Variants in AKAP13 observed in about 807,000 individuals in gnomAD.
The protein encoded by AKAP13 is A-kinase anchor protein 13.
Under a neutral mutation model 264.5 loss-of-function variants are expected in AKAP13, and 80 were observed. The ratio of observed to expected loss-of-function variants is 0.30; its 90% CI spans 0.25 to 0.36. AKAP13 has a LOEUF of 0.36. Among genes scored for constraint, AKAP13 ranks in the 10% least tolerant of loss-of-function variants. The pLI is 1.00. For synonymous variants in AKAP13, 1,380 were observed against 1,250.2 expected, an observed-to-expected ratio of 1.10 and a Z score of -2.19; for missense variants, 3,712 against 3,435.2, an observed-to-expected ratio of 1.08 and a Z score of -2.01.
intron 19 of AKAP13, 27 bp from the exon 20 acceptor site, chr15:85,715,761 G>A (rs746301828): frequency 1.3e-6 from 2 of 1,590,822 alleles, no homozygotes; most frequent in Non-Finnish European, 8.5e-7. Flanking sequence ...GATGGGTGAT[G>A]CTTCAGTTAG....
Position 85,579,605 on chromosome 15 carries a change from A to G in AKAP13, c.1537A>G (p.Ile513Val). 6.2e-7 allele frequency: 1 copy of G among 1,614,258 alleles called. No individual in the cohort carries two copies. The highest frequency in any genetic ancestry group is 8.5e-7 in the Non-Finnish European group (1 of 1,180,042). ...AAAGGAAAGATTTGAGAACTCTAAT[A>G]TTGGCACAGCTGGAGCCTCTGACGT... is the stretch of plus-strand genomic sequence containing the variant. ...STKERFENSN[I>V]GTAGASDVHV... The change falls in exon 7 of 37, where the codon ATT (isoleucine) becomes GTT (valine). Residue 513 changes from isoleucine to valine, a missense_variant. Around this residue, in one of 3 missense-constraint regions of AKAP13, gnomAD observed 2,759 missense variants for 2,411.7 expected, o/e 1.14. Transcript: ENST00000394518.
rs1443706757 is a variant in AKAP13 at position 85,744,742 on chromosome 15, C to G, written c.*65C>G. On this transcript the variant is annotated 3_prime_UTR_variant, in exon 37 of 37. Coordinates refer to ENST00000394518, the MANE Select transcript of AKAP13 (RefSeq NM_007200.5). ...GGCCAGCCCACCTCTCCTGCTGTCC[C>G]CGCGTGCACAAGTCTCTTACACTGG... The G allele has an allele frequency of 6.8e-7, 1 of 1,461,622 alleles. No individual in the cohort carries two copies. Among genetic ancestry groups the G allele is most frequent in the Non-Finnish European group, 9.2e-7 (1 of 1,081,688 alleles). 90.5% of individuals were successfully genotyped at this position (1,461,622 alleles called of 1,614,324 possible).
At chr15:85,621,819 A>G (rs1230209780) in intron 8 of AKAP13, among the ~76,000 whole-genome samples, 1 of 152,222 alleles carries the variant, frequency 6.6e-6, no homozygotes, top group Non-Finnish European at 1.5e-5. Context: ...TTTGAGTGAC[A>G]AGAATGTGGT....
At chr15:85,585,167 G>A (rs1013051286) in intron 7 of AKAP13, among the ~76,000 whole-genome samples, 14 of 152,190 alleles carry the variant, frequency 9.2e-5, no homozygotes, top group Non-Finnish European at 1.3e-4. Context: ...AAAATAAGAC[G>A]TAACTGCTGA....
chr15:85,693,118 T>TA lies in AKAP13; in HGVS notation c.5290-152dup, dbSNP rs773437752. The TA allele has an allele frequency of 1.7e-5, 22 of 1,310,780 alleles. No individual in the cohort carries two copies. In the Admixed American group the frequency reaches 3.3e-4, roughly 19 times the overall value. 81.2% of individuals were successfully genotyped at this position (1,310,780 alleles called of 1,614,324 possible). On this transcript the variant is annotated intron_variant, in intron 16 of 36. Coordinates refer to ENST00000394518, the MANE Select transcript of AKAP13 (RefSeq NM_007200.5). ...TAGCTTGCGTGCCAACGCCTTAATT[T>TA]AAAAAAACAAAACAAAACACTTTGC...
chr15:85,585,777 G>A lies in AKAP13; in HGVS notation c.4115G>A (p.Ser1372Asn), dbSNP rs2079313999. 6.2e-7 allele frequency: 1 copy of A among 1,614,168 alleles called. No homozygotes were observed. The highest frequency in any genetic ancestry group is 8.5e-7 in the Non-Finnish European group (1 of 1,180,006). Residue 1372 changes from serine to asparagine, a missense_variant, in exon 8 of 37, where the codon AGC (serine) becomes AAC (asparagine). By Grantham distance (46) the Ser-to-Asn change is conservative (BLOSUM62 1). Coordinates refer to ENST00000394518, the MANE Select transcript of AKAP13 (RefSeq NM_007200.5). ...SSISEEVAVG[S>N]IAATLKMKQG... ...ATTTCTGAAGAAGTGGCTGTAGGGA[G>A]CATAGCTGCTACACTGAAGATGAAG...
chr15:85,576,567 A>T (rs1286179718), intron 6 of AKAP13, among the ~76,000 whole-genome samples: 1 of 152,180 alleles, frequency 6.6e-6, no homozygotes, highest in Admixed American at 6.5e-5. Context: ...TTTTCCACCC[A>T]GTTTATTTCA....
chr15:85,431,907 G>A (rs938735531), intron 1 of AKAP13, among the ~76,000 whole-genome samples: 1 of 152,116 alleles, frequency 6.6e-6, no homozygotes, highest in African/African-American at 2.4e-5. Flanking sequence ...AGGTTCAGGC[G>A]AAAGAAATGT....
chr15:85,686,191 A>ATGCG (rs1555459328), intron 16 of AKAP13, among the ~76,000 whole-genome samples: 31 of 151,344 alleles, frequency 2.0e-4, no homozygotes, highest in African/African-American at 3.2e-4. Context: ...ACGTGCATGC[A>ATGCG]TGTGTGTGTG....
chr15:85,734,923 T>C lies in AKAP13; in HGVS notation c.7283-69T>C, dbSNP rs1567221188. ...AGTCGTGCTCTTTGTACGTATCATA[T>C]ATACTATGAACTTGTTTTCCCCTCA... is the stretch of plus-strand genomic sequence containing the variant. On this transcript the variant is annotated intron_variant, in intron 30 of 36. Coordinates refer to ENST00000394518, the MANE Select transcript of AKAP13 (RefSeq NM_007200.5). 5.1e-6 allele frequency: 8 copies of C among 1,570,992 alleles called. No homozygotes were observed. In the East Asian group the frequency reaches 6.7e-5, roughly 13 times the overall value.
rs191158589 is a variant in AKAP13, at chr15:85,382,104, A to T, written c.-12+1306A>T. 8.5e-5 allele frequency: 13 copies of T among 152,356 alleles called. No individual in the cohort carries two copies. In the East Asian group the frequency reaches 2.1e-3, roughly 25 times the overall value. The allele number at this position is 152,356 out of a possible 1,614,324, so 9.4% of individuals were successfully genotyped here. A position where few individuals can be genotyped will look rare whatever the true frequency, so the allele number is the denominator to read the frequency against. On this transcript the variant is annotated intron_variant, in intron 1 of 36. Transcript: ENST00000394518. ...TTGGTTTGTGTGGCTTATTATATGA[A>T]CATGATTCTGTTTCAGTTCCCCAGA...
At chr15:85,607,097 A>G (rs538903177) in intron 8 of AKAP13, among the ~76,000 whole-genome samples, 18 of 143,918 alleles carry the variant, frequency 1.3e-4, no homozygotes, top group African/African-American at 4.4e-4. Context: ...TAACTCTTCC[A>G]TCTGTGTTCC....
At chr15:85,563,340 T>TG (rs2078479279) in intron 5 of AKAP13, among the ~76,000 whole-genome samples, 1 of 136,446 alleles carries the variant, frequency 7.3e-6, no homozygotes, top group South Asian at 2.2e-4. Flanking sequence ...TTTTTTTTTT[T>TG]TTTTTTTTTT....
chr15:85,719,709 C>T (rs1253196166), intron 23 of AKAP13, among the ~76,000 whole-genome samples: 2 of 151,718 alleles, frequency 1.3e-5, no homozygotes, highest in African/African-American at 2.4e-5. Flanking sequence ...ATGAGGAGGG[C>T]GGATCACTTG....
chr15:85,414,081 G>A (rs2072116619), intron 1 of AKAP13, among the ~76,000 whole-genome samples: 1 of 152,040 alleles, frequency 6.6e-6, no homozygotes, highest in Admixed American at 6.5e-5. Flanking sequence ...TCTTTTTAAG[G>A]TTTTTCGTCA....
At chr15:85,508,505 G>A in intron 2 of AKAP13, among the ~76,000 whole-genome samples, 1 of 151,932 alleles carries the variant, frequency 6.6e-6, no homozygotes, top group East Asian at 1.9e-4. Context: ...TGACGGGGGT[G>A]GTGGTACTGC....
At chr15:85,501,374 C>G (rs2076033737) in intron 2 of AKAP13, among the ~76,000 whole-genome samples, 2 of 152,176 alleles carry the variant, frequency 1.3e-5, no homozygotes, top group Non-Finnish European at 2.9e-5. Context: ...TCTCAGAATA[C>G]AAAGTAATTC....
At chr15:85,686,910 T>A (rs2084964826) in intron 16 of AKAP13, among the ~76,000 whole-genome samples, 1 of 152,240 alleles carries the variant, frequency 6.6e-6, no homozygotes, top group Non-Finnish European at 1.5e-5. Context: ...TCAAAATGTT[T>A]TCATTGTTTT....
At chr15:85,422,453 T>A (rs74593848) in intron 1 of AKAP13, among the ~76,000 whole-genome samples, 2,247 of 152,280 alleles carry the variant, frequency 0.015, 58 homozygotes, top group African/African-American at 0.051. Context: ...CTCTGTTCAG[T>A]TTTCAAGTTA....
Sources: allele counts gnomAD v4.1 joint callset (sites outside exome capture counted in the v4.1 genomes callset), GRCh38; gene constraint gnomAD v4.1.1; regional missense constraint gnomAD v4.1.1; transcripts MANE v1.5; gene names NCBI Gene and HGNC (gene_info 2026-07-23, HGNC 2026-07-21).